Variants in ATG7 observed in about 807,000 individuals in gnomAD.
The protein encoded by ATG7 is ubiquitin-like modifier-activating enzyme ATG7.
A neutral mutation model predicts 82.4 loss-of-function variants in ATG7; 70 were observed. The ratio of observed to expected loss-of-function variants is 0.85; its 90% CI spans 0.70 to 1.04. ATG7 has a LOEUF of 1.04. Ranked by LOEUF, ATG7 falls within the 50% of genes least tolerant of loss-of-function variation. The pLI is 0.00. For missense variants in ATG7, 792 were observed against 864.3 expected, an observed-to-expected ratio of 0.92 and a Z score of 1.05; for synonymous variants, 287 against 313.0, an observed-to-expected ratio of 0.92 and a Z score of 0.88.
At chr3:11,557,794 A>G (rs1307400840), downstream of ATG7, 2 of 152,662 alleles carry the variant, frequency 1.3e-5, no homozygotes, top group Non-Finnish European at 2.9e-5. Context: ...TAGTCTAACA[A>G]ACTGCAGTGT....
At chr3:11,343,070 A>G (rs1953923908) in intron 13 of ATG7, among the ~76,000 whole-genome samples, 1 of 152,028 alleles carries the variant, frequency 6.6e-6, no homozygotes, top group African/African-American at 2.4e-5. Context: ...CTGGGACTAC[A>G]GGTGTGCACC....
At chr3:11,349,098 CAG>C (rs1454053219) in intron 14 of ATG7, among the ~76,000 whole-genome samples, 2 of 151,952 alleles carry the variant, frequency 1.3e-5, no homozygotes, top group African/African-American at 2.4e-5. Flanking sequence ...TAGCTAGACA[CAG>C]AGTGCTGATT....
intron 6 of ATG7, 109 bp downstream of exon 6, chr3:11,307,169 A>G: frequency 3.2e-6 from 3 of 942,144 alleles, no homozygotes; most frequent in Non-Finnish European, 5.1e-6. Flanking sequence ...TATGAAGGGA[A>G]CTTAAAGACA....
chr3:11,316,999 C>T (rs922656514), intron 9 of ATG7, among the ~76,000 whole-genome samples: 1 of 151,898 alleles, frequency 6.6e-6, no homozygotes, highest in African/African-American at 2.4e-5. Context: ...GGAAGCCCAC[C>T]TCCCCTTTTT....
chr3:11,295,630 A>T (rs931747904), intron 3 of ATG7, among the ~76,000 whole-genome samples: 2 of 152,142 alleles, frequency 1.3e-5, no homozygotes, highest in Non-Finnish European at 2.9e-5. Context: ...TTAAATGACC[A>T]GTCATTTTCT....
intron 14 of ATG7, among the ~76,000 whole-genome samples, chr3:11,354,025 T>C (rs775137802): frequency 1.3e-5 from 2 of 152,150 alleles, no homozygotes; most frequent in Non-Finnish European, 2.9e-5. Context: ...CCCTCAGAAC[T>C]AGAGAGTTTG....
chr3:11,485,859 C>A, intron 20 of ATG7, among the ~76,000 whole-genome samples: 1 of 152,092 alleles, frequency 6.6e-6, no homozygotes, highest in Middle Eastern at 3.4e-3. Context: ...TGTAGATATG[C>A]GACGTTATTT....
At chr3:11,413,147 T>C (rs1168934193) in intron 19 of ATG7, among the ~76,000 whole-genome samples, 1 of 152,218 alleles carries the variant, frequency 6.6e-6, no homozygotes, top group Non-Finnish European at 1.5e-5. Context: ...TCAATTTGGA[T>C]GCCTTTTATT....
rs1480316120 is a variant in ATG7 at position 11,518,084 on chromosome 3, A to AG, written c.2080-36723dup. On this transcript the variant is annotated intron_variant, in intron 20 of 20. Transcript: ENST00000693202. ...GTTGGATGGTGAGTGGGAGAGAGGA[A>AG]GGGGACCAAGGTGCTTCCCTGGGGT... Among the ~76,000 whole-genome samples, 8 of 152,292 alleles carry AG rather than the reference A, an allele frequency of 5.3e-5. No individual in the cohort carries two copies. The East Asian group carries it at 1.4e-3, about 26-fold the overall frequency.
Position 11,437,907 on chromosome 3 carries a change from T to C in ATG7, c.2079+10981T>C, listed in dbSNP as rs532586528. ...AGAACAACAAAGAATAATTCCATAA[T>C]ACCACCTAAAATCCAGTACATGTCC... is the stretch of plus-strand genomic sequence containing the variant. On this transcript the variant is annotated intron_variant, in intron 20 of 20. Coordinates refer to ENST00000693202, the MANE Select transcript of ATG7 (RefSeq NM_001349232.2). Among the ~76,000 whole-genome samples the C allele has an allele frequency of 2.6e-5, 4 of 152,288 alleles. No individual in the cohort carries two copies. The East Asian group carries it at 7.7e-4, about 29-fold the overall frequency.
the ATG7 span, among the ~76,000 whole-genome samples, chr3:11,570,154 G>C: frequency 6.6e-6 from 1 of 152,104 alleles, no homozygotes; most frequent in African/African-American, 2.4e-5. Flanking sequence ...AGGTGGAGAA[G>C]ATGAAGGCTT....
At position 11,530,891 on chromosome 3, in the gene ATG7, G is replaced by T. The variant is rs554745000; in HGVS notation, c.2080-23920G>T. ...AGCTACTTGGGAGGCTGAGGCAACG[G>T]TGTTGCTTGCCCCTGGGAGGCAGAG... is the stretch of plus-strand genomic sequence containing the variant. On this transcript the variant is annotated intron_variant, in intron 20 of 20. Transcript: ENST00000693202. 1.9e-4 allele frequency among the ~76,000 whole-genome samples: 29 copies of T among 152,334 alleles called. 1 individual carries two copies. The South Asian group carries it at 2.7e-3, about 14-fold the overall frequency.
intron 19 of ATG7, among the ~76,000 whole-genome samples, chr3:11,384,016 C>G (rs568959505): frequency 1.1e-4 from 16 of 152,278 alleles, no homozygotes; most frequent in African/African-American, 3.1e-4. Flanking sequence ...CAGAAAGTTC[C>G]CAGGTACCCT....
At chr3:11,407,485 C>T (rs1202571446) in intron 19 of ATG7, among the ~76,000 whole-genome samples, 1 of 152,218 alleles carries the variant, frequency 6.6e-6, no homozygotes, top group Non-Finnish European at 1.5e-5. Flanking sequence ...CTCACAGCTT[C>T]ACTAGGCAGT....
rs1363499732 is a variant in ATG7, at chr3:11,557,135, G to A, written c.*2292G>A. 1 of 152,560 alleles carries A rather than the reference G, an allele frequency of 6.6e-6. No homozygotes were observed. The highest frequency in any genetic ancestry group is 1.5e-5 in the Non-Finnish European group (1 of 68,012). 9.5% of individuals were successfully genotyped at this position (152,560 alleles called of 1,614,324 possible). On this transcript the variant is annotated 3_prime_UTR_variant, in exon 21 of 21. Coordinates refer to ENST00000693202, the MANE Select transcript of ATG7 (RefSeq NM_001349232.2). ...GGACACAGCACACCCCAGGGGGAGGGGATAGAAACGCTCATTGACCAAAAA... is the reference window on the plus strand; with the variant it reads ...GGACACAGCACACCCCAGGGGGAGGAGATAGAAACGCTCATTGACCAAAAA...
At chr3:11,543,842 G>A (rs549907204) in intron 20 of ATG7, among the ~76,000 whole-genome samples, 3 of 152,340 alleles carry the variant, frequency 2.0e-5, no homozygotes, top group Admixed American at 6.5e-5. Flanking sequence ...CTCTGGGGAC[G>A]GGAGGGGGAG....
At chr3:11,413,077 G>T (rs142216020) in intron 19 of ATG7, among the ~76,000 whole-genome samples, 1 of 152,036 alleles carries the variant, frequency 6.6e-6, no homozygotes, top group Admixed American at 6.5e-5. Context: ...GTAGACTGTA[G>T]GGTTTTGTAC....
intron 19 of ATG7, among the ~76,000 whole-genome samples, chr3:11,389,885 C>G (rs1218156943): frequency 6.6e-6 from 1 of 152,212 alleles, no homozygotes; most frequent in Admixed American, 6.5e-5. Context: ...GACCTTCCAA[C>G]TTGGGATAGA....
rs187312123 is a variant in ATG7 at position 11,505,829 on chromosome 3, T to C, written c.2080-48982T>C. On this transcript the variant is annotated intron_variant, in intron 20 of 20. Coordinates refer to ENST00000693202, the MANE Select transcript of ATG7 (RefSeq NM_001349232.2). ...CTAGTCAGTGCTCGCCATTGGTCTT[T>C]TGCAGTCTTGTCACTTCTGTCTGGA... 1.6e-4 allele frequency among the ~76,000 whole-genome samples: 24 copies of C among 152,328 alleles called. No homozygotes were observed. The East Asian group carries it at 4.1e-3, about 26-fold the overall frequency.
Sources: allele counts gnomAD v4.1 joint callset (sites outside exome capture counted in the v4.1 genomes callset), GRCh38; gene constraint gnomAD v4.1.1; transcripts MANE v1.5; gene names NCBI Gene and HGNC (gene_info 2026-07-23, HGNC 2026-07-21).